Variants in BRINP1 observed in about 807,000 individuals in gnomAD.
The protein encoded by BRINP1 is BMP/retinoic acid inducible neural specific 1, also known as BMP/retinoic acid-inducible neural-specific protein 1.
Under a neutral mutation model 72.9 loss-of-function variants are expected in BRINP1, and 17 were observed. That is an observed-to-expected ratio of 0.23 (90% CI 0.16 to 0.35). The LOEUF (loss-of-function observed/expected upper bound fraction) is 0.35. Among genes scored for constraint, BRINP1 ranks in the 10% least tolerant of loss-of-function variants. BRINP1 has a pLI of 1.00. For missense variants in BRINP1, 850 were observed against 1,001.6 expected, an observed-to-expected ratio of 0.85 and a Z score of 2.04; for synonymous variants, 418 against 378.5, an observed-to-expected ratio of 1.10 and a Z score of -1.21.
chr9:119,247,852 A>G (rs1337682555), intron 3 of BRINP1, among the ~76,000 whole-genome samples: 1 of 152,176 alleles, frequency 6.6e-6, no homozygotes, highest in Non-Finnish European at 1.5e-5. Flanking sequence ...ACTAAAGACA[A>G]TGTACAATGT....
intron 1 of BRINP1, among the ~76,000 whole-genome samples, chr9:119,347,678 T>A (rs1831464401): frequency 6.6e-6 from 1 of 152,090 alleles, no homozygotes; most frequent in Admixed American, 6.5e-5. Context: ...GCTTCCTAGT[T>A]TCCCTGCAAA....
chr9:119,275,939 C>A (rs1181375297), intron 2 of BRINP1, among the ~76,000 whole-genome samples: 1 of 152,174 alleles, frequency 6.6e-6, no homozygotes, highest in Non-Finnish European at 1.5e-5. Flanking sequence ...CACCCACTCA[C>A]TTCTGCCCTT....
At position 119,262,712 on chromosome 9, in the gene BRINP1, G is replaced by A. The variant is rs369218793; in HGVS notation, c.219-13562C>T. Among the ~76,000 whole-genome samples, 64 of 150,182 alleles carry A rather than the reference G, an allele frequency of 4.3e-4. No individual in the cohort carries two copies. The East Asian group carries it at 9.4e-3, about 22-fold the overall frequency. On this transcript the variant is annotated intron_variant, in intron 2 of 7. Transcript: ENST00000265922. ...AACAAACACTGGACTGTGGGCACAG[G>A]CATATAAGTCAGCCCTCTACTCTAA... is the stretch of plus-strand genomic sequence containing the variant.
chr9:119,319,220 C>G (rs942900928), intron 1 of BRINP1, among the ~76,000 whole-genome samples: 1 of 152,164 alleles, frequency 6.6e-6, no homozygotes, highest in East Asian at 1.9e-4. Flanking sequence ...GTTAAGAGTT[C>G]TTCTCATTCT....
chr9:119,218,774 G>A (rs1349296724), intron 5 of BRINP1, among the ~76,000 whole-genome samples: 1 of 146,574 alleles, frequency 6.8e-6, no homozygotes, highest in Non-Finnish European at 1.5e-5. Flanking sequence ...TGGCTATGAG[G>A]TTGAAACCCC....
intron 5 of BRINP1, among the ~76,000 whole-genome samples, chr9:119,218,660 C>A (rs1046324879): frequency 1.3e-5 from 2 of 151,690 alleles, no homozygotes; most frequent in Non-Finnish European, 2.9e-5. Flanking sequence ...CTGACACACT[C>A]GAGGGTGACC....
At chr9:119,303,717 A>C (rs901640463) in intron 2 of BRINP1, among the ~76,000 whole-genome samples, 1 of 152,056 alleles carries the variant, frequency 6.6e-6, no homozygotes. Context: ...CTACGCTACA[A>C]AGCACACCAA....
At chr9:119,175,302 G>C (rs1395264009) in intron 7 of BRINP1, among the ~76,000 whole-genome samples, 2 of 150,434 alleles carry the variant, frequency 1.3e-5, no homozygotes, top group Non-Finnish European at 3.0e-5. Flanking sequence ...GTTCTCACTA[G>C]TAAGTGGGAG....
intron 1 of BRINP1, among the ~76,000 whole-genome samples, chr9:119,359,763 C>A (rs1362827712): frequency 2.6e-5 from 4 of 152,204 alleles, no homozygotes; most frequent in Non-Finnish European, 4.4e-5. Context: ...TAGAATGGGG[C>A]ACAATACTAC....
rs762030572 is a variant in BRINP1 at position 119,167,715 on chromosome 9, C to G, written c.1655G>C (p.Arg552Pro). 6 of 1,614,008 alleles carry G rather than the reference C, an allele frequency of 3.7e-6. No individual in the cohort carries two copies. Among genetic ancestry groups the G allele is most frequent in the South Asian group, 3.3e-5 (3 of 91,060 alleles). ...IGMSMRICQM[R>P]NSSLDPMFFV... is the part of the protein sequence containing the mutation. ...GAACATGGGGTCCAGGCTGCTGTTG[C>G]GCATCTGGCAGATGCGCATGGACAT... The change falls in exon 8 of 8, where the codon CGC becomes CCC. Residue 552 changes from arginine to proline, a missense_variant. Coordinates refer to ENST00000265922, the MANE Select transcript of BRINP1 (RefSeq NM_014618.3). The surrounding 1 kb of genome is among the most constrained non-coding windows in gnomAD (Gnocchi z 4.3).
intron 1 of BRINP1, among the ~76,000 whole-genome samples, chr9:119,362,778 A>C (rs1263433765): frequency 6.6e-6 from 1 of 152,212 alleles, no homozygotes; most frequent in Non-Finnish European, 1.5e-5. Context: ...TAGGAGTAGA[A>C]ATTAAAATGA....
chr9:119,365,003 T>G (rs568308827), intron 1 of BRINP1, among the ~76,000 whole-genome samples: 3 of 152,276 alleles, frequency 2.0e-5, no homozygotes, highest in African/African-American at 7.2e-5. Flanking sequence ...GGGCAAACAT[T>G]TATAAAGCAA....
At chr9:119,235,677 T>C (rs908508733) in intron 5 of BRINP1, among the ~76,000 whole-genome samples, 1 of 152,196 alleles carries the variant, frequency 6.6e-6, no homozygotes, top group African/African-American at 2.4e-5. Flanking sequence ...CAACATGAGT[T>C]CTTCAAAAAA....
At position 119,206,334 on chromosome 9, in the gene BRINP1, C is replaced by T. The variant is rs115022636; in HGVS notation, c.1145+2385G>A. On this transcript the variant is annotated intron_variant, in intron 7 of 7. Coordinates refer to ENST00000265922, the MANE Select transcript of BRINP1 (RefSeq NM_014618.3). Reference sequence around the variant, plus strand: ...GCAAGGGGAGGCTGAGCAGGAGAATCGCTTGAACCTGGGAGACGGAGGTTG... The same window carrying T: ...GCAAGGGGAGGCTGAGCAGGAGAATTGCTTGAACCTGGGAGACGGAGGTTG... Among the ~76,000 whole-genome samples the T allele has an allele frequency of 7.5e-3, 1,114 of 149,008 alleles. 14 individuals carry two copies. Among genetic ancestry groups the T allele is most frequent in the African/African-American group, 0.025 (1,009 of 40,150 alleles).
At chr9:119,276,828 A>T (rs1156767436) in intron 2 of BRINP1, among the ~76,000 whole-genome samples, 3 of 152,056 alleles carry the variant, frequency 2.0e-5, no homozygotes, top group Non-Finnish European at 4.4e-5. Context: ...ACTCCCCTTT[A>T]CTTCTAGCAT....
chr9:119,206,434 A>G (rs1167466684), intron 7 of BRINP1, among the ~76,000 whole-genome samples: 1 of 137,136 alleles, frequency 7.3e-6, no homozygotes, highest in African/African-American at 2.6e-5. Flanking sequence ...AAAAAAAAAA[A>G]AAAAAAAGAG....
chr9:119,191,379 A>G (rs940269553), intron 7 of BRINP1, among the ~76,000 whole-genome samples: 6 of 151,890 alleles, frequency 4.0e-5, no homozygotes, highest in Non-Finnish European at 8.8e-5. Context: ...TCTAATATGC[A>G]GAAAACCCCA....
intron 4 of BRINP1, among the ~76,000 whole-genome samples, chr9:119,239,476 G>A (rs1830225745): frequency 6.6e-6 from 1 of 152,196 alleles, no homozygotes; most frequent in South Asian, 2.1e-4. Flanking sequence ...AGATAACCTT[G>A]AAATAAGAAT....
Position 119,331,868 on chromosome 9 carries a change from C to G in BRINP1, c.-50-18463G>C, listed in dbSNP as rs1389084415. On this transcript the variant is annotated intron_variant, in intron 1 of 7. Coordinates refer to ENST00000265922, the MANE Select transcript of BRINP1 (RefSeq NM_014618.3). ...TCAACCTCTTGGACCCTTCACCAGACTTACCGAATCATAAATCTCTCTAGT... is the reference window on the plus strand; with the variant it reads ...TCAACCTCTTGGACCCTTCACCAGAGTTACCGAATCATAAATCTCTCTAGT... Among the ~76,000 whole-genome samples, 5 of 152,238 alleles carry G rather than the reference C, an allele frequency of 3.3e-5. No individual in the cohort carries two copies. The East Asian group carries it at 9.6e-4, about 29-fold the overall frequency.
Sources: allele counts gnomAD v4.1 joint callset (sites outside exome capture counted in the v4.1 genomes callset), GRCh38; gene constraint gnomAD v4.1.1; non-coding constraint Gnocchi (gnomAD v3.1); transcripts MANE v1.5; gene names NCBI Gene and HGNC (gene_info 2026-07-23, HGNC 2026-07-21).